SDCBP: variants seen among roughly 807,000 people sequenced by gnomAD.
The protein encoded by SDCBP is syndecan binding protein.
A neutral mutation model predicts 30.5 loss-of-function variants in SDCBP; 22 were observed. That is an observed-to-expected ratio of 0.72 (90% confidence interval 0.52 to 1.03). The LOEUF (loss-of-function observed/expected upper bound fraction) is 1.03, where lower values mean the gene tolerates loss of function less well. SDCBP is among the 50% of genes least tolerant of loss of function. The pLI, the probability that SDCBP is intolerant of heterozygous loss-of-function variation, is 0.00. For synonymous variants in SDCBP, 103 were observed against 118.7 expected (o/e 0.87, Z 0.86); for missense variants, 304 against 369.9 (o/e 0.82, Z 1.46).
At chr8:58,553,615 G>A (rs1385702484) in intron 1 of SDCBP, among the ~76,000 whole-genome samples, 1 of 152,206 alleles carries the variant, frequency 6.6e-6, no homozygotes, top group African/African-American at 2.4e-5. Flanking sequence ...GCCCGGCTGG[G>A]TGAACGCCTT....
chr8:58,574,031 ATTG>A (rs770573536), intron 4 of SDCBP, among the ~76,000 whole-genome samples: 79 of 152,302 alleles, frequency 5.2e-4, no homozygotes, highest in Non-Finnish European at 9.0e-4. Flanking sequence ...ACATATTCTT[ATTG>A]TTATTTGTTT....
At chr8:58,555,842 C>A (rs112682968) in intron 1 of SDCBP, among the ~76,000 whole-genome samples, 6 of 151,550 alleles carry the variant, frequency 4.0e-5, no homozygotes, top group Admixed American at 3.9e-4. Flanking sequence ...TCTGAAAGTG[C>A]TAGGATTACA....
At chr8:58,581,564 C>A in intron 8 of SDCBP, 122 bp from the exon 9 acceptor site, 1 of 713,492 alleles carries the variant, frequency 1.4e-6, no homozygotes. Flanking sequence ...TTTCCCTTCT[C>A]TCCATTCATA....
At chr8:58,578,506 G>C in intron 6 of SDCBP, 1 of 221,876 alleles carries the variant, frequency 4.5e-6, no homozygotes, top group Non-Finnish European at 8.9e-6. Flanking sequence ...TTACTGCTTA[G>C]ATACATCCAG....
intron 1 of SDCBP, among the ~76,000 whole-genome samples, chr8:58,562,342 C>T (rs1201141264): frequency 6.6e-6 from 1 of 152,060 alleles, no homozygotes; most frequent in Non-Finnish European, 1.5e-5. Context: ...AATGGATATA[C>T]TGATTCTAAA....
intron 5 of SDCBP, 175 bp downstream of exon 5, chr8:58,576,236 G>A (rs1470684282): frequency 1.8e-6 from 1 of 564,258 alleles, no homozygotes; most frequent in African/African-American, 1.9e-5. Context: ...TTTTGCAGAG[G>A]CATAGTTGGG....
chr8:58,579,962 G>T (rs553521668), intron 7 of SDCBP, 168 bp downstream of exon 7: 20 of 528,102 alleles, frequency 3.8e-5, no homozygotes, highest in Middle Eastern at 5.1e-4. Flanking sequence ...CTGTCATCTA[G>T]AACTACAGTT....
chr8:58,554,719 C>T (rs1023405194), intron 1 of SDCBP, among the ~76,000 whole-genome samples: 1 of 151,998 alleles, frequency 6.6e-6, no homozygotes, highest in African/African-American at 2.4e-5. Flanking sequence ...CTGTTTTTGC[C>T]AGATTTGGGA....
intron 8 of SDCBP, among the ~76,000 whole-genome samples, chr8:58,581,031 T>C (rs540705890): frequency 1.4e-4 from 21 of 152,154 alleles, no homozygotes; most frequent in Admixed American, 3.3e-4. Context: ...AAGAGGCAGA[T>C]AGACAAGTGT....
chr8:58,577,709 T>C (rs550489942), intron 5 of SDCBP, among the ~76,000 whole-genome samples: 2 of 152,358 alleles, frequency 1.3e-5, no homozygotes, highest in South Asian at 2.1e-4. Flanking sequence ...ATTAAAGTTG[T>C]CCTACTGTAT....
In SDCBP at chr8:58,578,174, T is replaced by G; in HGVS notation, c.544T>G (p.Phe182Val). The change falls in exon 6 of 9, where the codon TTT becomes GTT. Residue 182 changes from phenylalanine to valine, a missense_variant. Transcript: ENST00000260130. ...AGCGCACAAGGTGCTCAAACAGGCT[T>G]TTGGAGAGAAGATTACCATGACCAT... is the stretch of plus-strand genomic sequence containing the variant. ...DKAHKVLKQAFGEKITMTIRD... is the reference protein window; with the variant it reads ...DKAHKVLKQAVGEKITMTIRD... 1 of 1,593,070 alleles carries G rather than the reference T, an allele frequency of 6.3e-7. No homozygotes were observed. Among genetic ancestry groups the G allele is most frequent in the Non-Finnish European group, 8.5e-7 (1 of 1,171,792 alleles).
chr8:58,561,653 TGA>T (rs1167851101), intron 1 of SDCBP: 4 of 514,708 alleles, frequency 7.8e-6, no homozygotes, highest in African/African-American at 5.9e-5. Context: ...TCTCAAAATC[TGA>T]GAGAGTTCAT....
At chr8:58,565,137 C>A in intron 2 of SDCBP, 53 bp downstream of exon 2, 1 of 886,298 alleles carries the variant, frequency 1.1e-6, no homozygotes, top group Non-Finnish European at 1.7e-6. Context: ...ATGCATTCTA[C>A]TTATAGGTGA....
intron 2 of SDCBP, among the ~76,000 whole-genome samples, chr8:58,567,284 A>T (rs900587409): frequency 6.6e-6 from 1 of 152,244 alleles, no homozygotes; most frequent in African/African-American, 2.4e-5. Flanking sequence ...TTCTATATGT[A>T]TTCTTCAGTA....
intron 4 of SDCBP, among the ~76,000 whole-genome samples, chr8:58,572,800 C>CTTTTTTTTTTTTT (rs947602204): frequency 1.2e-5 from 1 of 83,140 alleles, no homozygotes; most frequent in African/African-American, 4.9e-5. Flanking sequence ...TGCTCATAAT[C>CTTTTTTTTTTTTT]TTTTTTTTTT....
At chr8:58,567,257 T>C (rs1804750808) in intron 2 of SDCBP, among the ~76,000 whole-genome samples, 1 of 152,250 alleles carries the variant, frequency 6.6e-6, no homozygotes, top group Non-Finnish European at 1.5e-5. Flanking sequence ...TAATTAAATT[T>C]AACTTTGCAG....
At chr8:58,573,009 T>C (rs1429322430) in intron 4 of SDCBP, among the ~76,000 whole-genome samples, 1 of 152,034 alleles carries the variant, frequency 6.6e-6, no homozygotes, top group Non-Finnish European at 1.5e-5. Context: ...GGTTTCACCA[T>C]GTTGGCCACG....
chr8:58,566,239 G>A (rs1252023991), intron 2 of SDCBP, among the ~76,000 whole-genome samples: 1 of 152,116 alleles, frequency 6.6e-6, no homozygotes, highest in Non-Finnish European at 1.5e-5. Flanking sequence ...TAGCTTTCCA[G>A]AATAACTGCT....
At chr8:58,566,662 TTTTTGTTTTG>T (rs1012801566) in intron 2 of SDCBP, among the ~76,000 whole-genome samples, 5 of 152,132 alleles carry the variant, frequency 3.3e-5, no homozygotes, top group African/African-American at 1.2e-4. Context: ...TCTTTGGCTG[TTTTTGTTTTG>T]TTTTGTTTTG....
Sources: gnomAD v4.1 joint callset for allele counts (sites outside exome capture counted in the v4.1 genomes callset) on GRCh38, gnomAD v4.1.1 for gene constraint, MANE v1.5 for transcripts, NCBI Gene and HGNC (gene_info 2026-07-23, HGNC 2026-07-21) for gene names.